TRPM6: variants seen among roughly 807,000 people sequenced by gnomAD.
The protein encoded by TRPM6 is transient receptor potential cation channel subfamily M member 6.
A neutral mutation model predicts 247.6 loss-of-function variants in TRPM6; 111 were observed. The ratio of observed to expected loss-of-function variants is 0.45; its 90% CI spans 0.38 to 0.52. The LOEUF is 0.52. TRPM6 is among the 20% of genes least tolerant of loss of function. The pLI is 0.00. For synonymous variants in TRPM6, 892 were observed against 853.8 expected, an observed-to-expected ratio of 1.04 and a Z score of -0.78; for missense variants, 2,126 against 2,421.5, an observed-to-expected ratio of 0.88 and a Z score of 2.56.
intron 17 of TRPM6, among the ~76,000 whole-genome samples, chr9:74,797,893 A>C (rs952252174): frequency 1.3e-5 from 2 of 152,164 alleles, no homozygotes; most frequent in Non-Finnish European, 2.9e-5. Context: ...TAAAATCAAG[A>C]ATCTAAAAGT....
chr9:74,760,563 G>A (rs957338429), intron 27 of TRPM6, among the ~76,000 whole-genome samples: 1 of 152,086 alleles, frequency 6.6e-6, no homozygotes, highest in African/African-American at 2.4e-5. Flanking sequence ...ACTGTACAGA[G>A]GGCAAATAAA....
intron 29 of TRPM6, among the ~76,000 whole-genome samples, chr9:74,751,004 A>G (rs893705331): frequency 1.2e-4 from 19 of 152,204 alleles, no homozygotes; most frequent in Non-Finnish European, 2.9e-5. Flanking sequence ...TACAGACTGA[A>G]CATAGAAAAT....
At chr9:74,853,241 G>A (rs552137055) in intron 3 of TRPM6, among the ~76,000 whole-genome samples, 1 of 152,078 alleles carries the variant, frequency 6.6e-6, no homozygotes, top group African/African-American at 2.4e-5. Context: ...GAAGTGAGGA[G>A]CCCCTCCGCC....
intron 6 of TRPM6, 96 bp downstream of exon 6, chr9:74,833,902 T>A: frequency 6.6e-7 from 1 of 1,508,494 alleles, no homozygotes; most frequent in Non-Finnish European, 9.2e-7. Context: ...ATATTACATC[T>A]GTAATGTTCA....
At chr9:74,803,226 G>A (rs186473913) in intron 15 of TRPM6, among the ~76,000 whole-genome samples, 3 of 152,092 alleles carry the variant, frequency 2.0e-5, no homozygotes, top group East Asian at 1.9e-4. Flanking sequence ...AAATTCTTGA[G>A]CAAAAGCATT....
chr9:74,805,522 T>C (rs2119017414), intron 14 of TRPM6, among the ~76,000 whole-genome samples: 1 of 152,302 alleles, frequency 6.6e-6, no homozygotes, highest in Admixed American at 6.5e-5. Context: ...GAGGAGGCCA[T>C]AGAACTGAGA....
At chr9:74,883,432 G>A (rs1051621307) in intron 1 of TRPM6, among the ~76,000 whole-genome samples, 2 of 152,120 alleles carry the variant, frequency 1.3e-5, no homozygotes, top group African/African-American at 4.8e-5. Context: ...CAGTTTCATC[G>A]AGAAGCATCT....
chr9:74,877,025 C>T (rs1477689760), intron 1 of TRPM6, among the ~76,000 whole-genome samples: 2 of 152,106 alleles, frequency 1.3e-5, no homozygotes, highest in Admixed American at 1.3e-4. Context: ...AATGCAAAAC[C>T]ATGCAGTCTT....
rs371962660 is a variant in TRPM6, at chr9:74,771,779, C to G, written c.3460G>C (p.Val1154Leu). ...ATCTTCTCATGGAAGTATTTTTCCA[C>G]GCACTGCTCCTCAAAATCATGAAGT... ...KKLHDFEEQC[V>L]EKYFHEKMED... Residue 1154 changes from valine to leucine, a missense_variant, in exon 25 of 39, where the codon GTG (valine) becomes CTG (leucine). Coordinates refer to ENST00000360774, the MANE Select transcript of TRPM6 (RefSeq NM_017662.5). 2 of 1,613,224 alleles carry G rather than the reference C, an allele frequency of 1.2e-6. No homozygotes were observed. The highest frequency in any genetic ancestry group is 1.1e-5 in the South Asian group (1 of 91,066).
At chr9:74,859,737 G>A (rs1830640066) in intron 1 of TRPM6, among the ~76,000 whole-genome samples, 1 of 149,256 alleles carries the variant, frequency 6.7e-6, no homozygotes, top group Non-Finnish European at 1.5e-5. Context: ...TTGCACCACT[G>A]CACTCTGGCC....
chr9:74,792,473 C>A, intron 19 of TRPM6, 151 bp downstream of exon 19: 1 of 812,988 alleles, frequency 1.2e-6, no homozygotes, highest in Non-Finnish European at 2.0e-6. Context: ...TTCCTCCAGT[C>A]CTCTTTGCTA....
intron 30 of TRPM6, among the ~76,000 whole-genome samples, chr9:74,749,004 T>C (rs1179314245): frequency 6.6e-6 from 1 of 152,182 alleles, no homozygotes; most frequent in African/African-American, 2.4e-5. Context: ...ACTGTATTTT[T>C]ACTGTACTTT....
intron 28 of TRPM6, among the ~76,000 whole-genome samples, chr9:74,753,486 A>G (rs1358989415): frequency 6.6e-6 from 1 of 152,174 alleles, no homozygotes; most frequent in Non-Finnish European, 1.5e-5. Flanking sequence ...ACTTGAGGAC[A>G]GGAGTTTGAG....
rs138904029 is a variant in TRPM6, at chr9:74,887,189, G to A, written c.33+635C>T. 1.1e-5 allele frequency: 14 copies of A among 1,221,090 alleles called. No homozygotes were observed. In the African/African-American group the frequency reaches 2.0e-4, roughly 18 times the overall value. The allele number at this position is 1,221,090 out of a possible 1,614,324, so 75.6% of individuals were successfully genotyped here. ...TGAGGTTGCAAGTCCGGGCGGCGCC[G>A]CGTTGGGGAAGGAAGCGGACTGCGG... On this transcript the variant is annotated intron_variant, in intron 1 of 38. Transcript: ENST00000360774.
At chr9:74,855,817 C>T (rs1339700507) in intron 2 of TRPM6, among the ~76,000 whole-genome samples, 1 of 152,150 alleles carries the variant, frequency 6.6e-6, no homozygotes, top group Admixed American at 6.6e-5. Flanking sequence ...TTAACAATTA[C>T]TCTAAGCCCC....
intron 38 of TRPM6, among the ~76,000 whole-genome samples, chr9:74,726,712 C>T (rs1825339134): frequency 6.6e-6 from 1 of 152,108 alleles, no homozygotes; most frequent in African/African-American, 2.4e-5. Flanking sequence ...AGGAATGAAT[C>T]AGACCTGGGA....
intron 28 of TRPM6, among the ~76,000 whole-genome samples, chr9:74,753,963 C>A (rs1328607931): frequency 1.3e-5 from 2 of 151,938 alleles, no homozygotes; most frequent in Non-Finnish European, 1.5e-5. Context: ...AACCTCCTGC[C>A]ACTTGTATCT....
At chr9:74,882,215 G>C (rs575267559) in intron 1 of TRPM6, among the ~76,000 whole-genome samples, 1 of 152,124 alleles carries the variant, frequency 6.6e-6, no homozygotes, top group East Asian at 1.9e-4. Flanking sequence ...AGTGCTTCTT[G>C]GTTGGTTAAA....
At chr9:74,740,912 G>C (rs1347169829) in intron 33 of TRPM6, among the ~76,000 whole-genome samples, 1 of 152,000 alleles carries the variant, frequency 6.6e-6, no homozygotes, top group East Asian at 1.9e-4. Flanking sequence ...AAAATGCATG[G>C]TTTAACTCAG....
Sources: allele counts gnomAD v4.1 joint callset (sites outside exome capture counted in the v4.1 genomes callset), GRCh38; gene constraint gnomAD v4.1.1; transcripts MANE v1.5; gene names NCBI Gene and HGNC (gene_info 2026-07-23, HGNC 2026-07-21).